LRRC17: variants seen among roughly 807,000 people sequenced by gnomAD.
LRRC17 encodes leucine-rich repeat-containing protein 17.
A neutral mutation model predicts 41.5 loss-of-function variants in LRRC17; 33 were observed. The observed-to-expected ratio is 0.80, with a 90% CI of 0.60 to 1.06. The LOEUF is 1.06. Ranked by LOEUF, LRRC17 falls within the 50% of genes least tolerant of loss-of-function variation. The pLI, the probability that LRRC17 is intolerant of heterozygous loss-of-function variation, is 0.00. For synonymous variants in LRRC17, 192 were observed against 197.0 expected (o/e 0.97, Z 0.21); for missense variants, 491 against 519.3 (o/e 0.95, Z 0.53).
chr7:102,919,177 C>A (rs1423336299), intron 1 of LRRC17, among the ~76,000 whole-genome samples: 2 of 152,208 alleles, frequency 1.3e-5, no homozygotes, highest in Admixed American at 1.3e-4. Flanking sequence ...CCACAGAAAT[C>A]AGTAAACACT....
Position 102,944,734 on chromosome 7 carries a change from T to A in LRRC17, c.*127T>A. ...TAATCCAGCTAAAGGAAGCTTTCTTTAATTATAAGTATTATTGTGACTATT... is the reference window on the plus strand; with the variant it reads ...TAATCCAGCTAAAGGAAGCTTTCTTAAATTATAAGTATTATTGTGACTATT... On this transcript the variant is annotated 3_prime_UTR_variant, in exon 4 of 4. Transcript: ENST00000339431. 1.3e-6 allele frequency: 1 copy of A among 787,692 alleles called. No homozygotes were observed. The highest frequency in any genetic ancestry group is 2.0e-6 in the Non-Finnish European group (1 of 510,984). 48.8% of individuals were successfully genotyped at this position (787,692 alleles called of 1,614,324 possible).
chr7:102,944,315 T>C lies in LRRC17; in HGVS notation c.1034T>C (p.Leu345Ser). ...GAAGACTTGTATTTTTTGAAACTCTTGTGGCTCAGAGATAACCCTTGGAGA... is the reference window on the plus strand; with the variant it reads ...GAAGACTTGTATTTTTTGAAACTCTCGTGGCTCAGAGATAACCCTTGGAGA... ...VLEDLYFLKL[L>S]WLRDNPWRCD... The change falls in exon 4 of 4, where the codon TTG (leucine) becomes TCG (serine). Residue 345 changes from leucine (L) to serine (S), a missense_variant. Coordinates refer to ENST00000339431, the MANE Select transcript of LRRC17 (RefSeq NM_001031692.3). 6.2e-7 allele frequency: 1 copy of C among 1,614,118 alleles called. No individual in the cohort carries two copies. The highest frequency in any genetic ancestry group is 1.7e-4 in the Middle Eastern group (1 of 6,060).
chr7:102,926,407 A>C (rs748813485), intron 1 of LRRC17: 1 of 1,543,838 alleles, frequency 6.5e-7, no homozygotes, highest in Admixed American at 1.8e-5. Context: ...AGGCTTATCA[A>C]ATTATAGCAG....
intron 1 of LRRC17, chr7:102,926,355 A>C (rs1259826026): frequency 6.2e-7 from 1 of 1,613,668 alleles, no homozygotes; most frequent in Non-Finnish European, 8.5e-7. Flanking sequence ...GCCCTCAGAA[A>C]TGTGTCTCAT....
intron 3 of LRRC17, among the ~76,000 whole-genome samples, chr7:102,942,576 A>C (rs1165212445): frequency 6.6e-6 from 1 of 152,244 alleles, no homozygotes; most frequent in African/African-American, 2.4e-5. Flanking sequence ...ATATGCTTTT[A>C]ATCTCAAAGT....
intron 2 of LRRC17, among the ~76,000 whole-genome samples, chr7:102,938,078 G>C (rs530338895): frequency 6.6e-6 from 1 of 152,172 alleles, no homozygotes; most frequent in African/African-American, 2.4e-5. Context: ...CAGGTACTTT[G>C]CCAAGAAATC....
chr7:102,932,028 A>G, intron 1 of LRRC17: 2 of 1,156,720 alleles, frequency 1.7e-6, no homozygotes, highest in Non-Finnish European at 2.5e-6. Flanking sequence ...ATTCATTAGA[A>G]AACAAACAAA....
chr7:102,931,782 A>T, intron 1 of LRRC17: 1 of 1,140,000 alleles, frequency 8.8e-7, no homozygotes, highest in East Asian at 2.5e-5. Context: ...TCCACATTGA[A>T]TCCCAAATAA....
At chr7:102,941,420 C>T (rs1184097198) in intron 3 of LRRC17, among the ~76,000 whole-genome samples, 4 of 152,102 alleles carry the variant, frequency 2.6e-5, no homozygotes, top group African/African-American at 4.8e-5. Flanking sequence ...ACTTCCCAAG[C>T]CCCTACCTAG....
chr7:102,927,778 T>C (rs1035799419), intron 1 of LRRC17, among the ~76,000 whole-genome samples: 1 of 152,162 alleles, frequency 6.6e-6, no homozygotes, highest in Non-Finnish European at 1.5e-5. Flanking sequence ...AAATGAAGGA[T>C]TTGAATAGGT....
intron 3 of LRRC17, among the ~76,000 whole-genome samples, chr7:102,941,753 A>C (rs948360666): frequency 5.3e-5 from 8 of 152,204 alleles, no homozygotes; most frequent in African/African-American, 1.4e-4. Context: ...GTCTCAAAAA[A>C]AAAAAAAGAT....
rs889663171 is a variant in LRRC17 at position 102,944,836 on chromosome 7, A to G, written c.*229A>G. ...AGCATCTGGTGATATGCAATTCCAC[A>G]CTGGTAACCTGCAGCAGTTGGGTCC... On this transcript the variant is annotated 3_prime_UTR_variant, in exon 4 of 4. Transcript: ENST00000339431. 4.6e-6 allele frequency: 2 copies of G among 433,800 alleles called. No homozygotes were observed. Among genetic ancestry groups the G allele is most frequent in the Non-Finnish European group, 8.0e-6 (2 of 248,800 alleles). 26.9% of individuals were successfully genotyped at this position (433,800 alleles called of 1,614,324 possible). A position where few individuals can be genotyped will look rare whatever the true frequency, so the allele number is the denominator to read the frequency against.
chr7:102,920,766 T>C (rs1243296175), intron 1 of LRRC17, among the ~76,000 whole-genome samples: 4 of 151,992 alleles, frequency 2.6e-5, no homozygotes, highest in Admixed American at 6.6e-5. Flanking sequence ...AAACCTAAAA[T>C]CCCGCATCAC....
At chr7:102,934,789 A>C (rs1356187918) in intron 2 of LRRC17, 104 bp downstream of exon 2, 1 of 1,048,702 alleles carries the variant, frequency 9.5e-7, no homozygotes, top group Non-Finnish European at 1.4e-6. Flanking sequence ...TCGTGATGTC[A>C]CTTCCACCAG....
chr7:102,922,973 G>A (rs775309748), intron 1 of LRRC17, among the ~76,000 whole-genome samples: 8 of 151,882 alleles, frequency 5.3e-5, no homozygotes, highest in Admixed American at 3.3e-4. Flanking sequence ...GCGAGACTCC[G>A]TCTCAACAAA....
chr7:102,934,830 C>A, intron 2 of LRRC17, 145 bp downstream of exon 2: 1 of 796,780 alleles, frequency 1.3e-6, no homozygotes, highest in Non-Finnish European at 1.9e-6. Context: ...TGGAATTTAC[C>A]ACAAGTTTTT....
At chr7:102,942,195 T>C (rs1445038438) in intron 3 of LRRC17, 1 of 896,706 alleles carries the variant, frequency 1.1e-6, no homozygotes, top group Non-Finnish European at 1.7e-6. Flanking sequence ...AGCACTTTCC[T>C]AGAACAAAAG....
intron 1 of LRRC17, among the ~76,000 whole-genome samples, chr7:102,928,887 A>G (rs2129472528): frequency 6.6e-6 from 1 of 152,358 alleles, no homozygotes. Context: ...GAGTGCAACC[A>G]GAGAAAGCAG....
At chr7:102,923,455 C>T (rs1193945408) in intron 1 of LRRC17, among the ~76,000 whole-genome samples, 1 of 152,086 alleles carries the variant, frequency 6.6e-6, no homozygotes, top group Non-Finnish European at 1.5e-5. Flanking sequence ...ACATAAATAA[C>T]TACAAGAACA....
Sources: gnomAD v4.1 joint callset for allele counts (sites outside exome capture counted in the v4.1 genomes callset) on GRCh38, gnomAD v4.1.1 for gene constraint, MANE v1.5 for transcripts, NCBI Gene and HGNC (gene_info 2026-07-23, HGNC 2026-07-21) for gene names.